Variants in BICC1 observed in about 807,000 individuals in gnomAD.
BICC1 encodes BicC family RNA binding protein 1, also known as protein bicaudal C homolog 1.
Under a neutral mutation model 111.0 loss-of-function variants are expected in BICC1, and 43 were observed. The observed-to-expected ratio is 0.39, with a 90% CI of 0.30 to 0.50. The LOEUF (loss-of-function observed/expected upper bound fraction) is 0.50, where lower values mean the gene tolerates loss of function less well. BICC1 is among the 20% of genes least tolerant of loss of function. The pLI is 0.88. For synonymous variants in BICC1, 467 were observed against 434.4 expected (o/e 1.07, Z -0.93); for missense variants, 1,091 against 1,203.2 (o/e 0.91, Z 1.38).
chr10:58,663,154 C>A (rs1022332795), intron 2 of BICC1, among the ~76,000 whole-genome samples: 1 of 145,914 alleles, frequency 6.9e-6, no homozygotes, highest in South Asian at 2.1e-4. Flanking sequence ...GCAACCTTTG[C>A]TTCCTGGGTT....
At chr10:58,770,967 A>G (rs1842608841) in intron 3 of BICC1, among the ~76,000 whole-genome samples, 1 of 152,244 alleles carries the variant, frequency 6.6e-6, no homozygotes, top group African/African-American at 2.4e-5. Context: ...ACTAACATTT[A>G]TGGAGTATTT....
chr10:58,641,404 A>C (rs959294231), intron 2 of BICC1, among the ~76,000 whole-genome samples: 1 of 151,422 alleles, frequency 6.6e-6, no homozygotes, highest in Non-Finnish European at 1.5e-5. Context: ...TCAGAGGCAG[A>C]TGTTTGTCTT....
At chr10:58,722,275 C>G (rs1434732620) in intron 3 of BICC1, among the ~76,000 whole-genome samples, 1 of 152,204 alleles carries the variant, frequency 6.6e-6, no homozygotes, top group Non-Finnish European at 1.5e-5. Flanking sequence ...ATTACATTCT[C>G]TTAGGAAATG....
chr10:58,539,373 A>G (rs951710803), intron 1 of BICC1, among the ~76,000 whole-genome samples: 4 of 151,544 alleles, frequency 2.6e-5, no homozygotes, highest in African/African-American at 9.7e-5. Context: ...TATAATGTAC[A>G]TTGGAGACTC....
chr10:58,578,448 T>C (rs750374213), intron 1 of BICC1, among the ~76,000 whole-genome samples: 5 of 152,216 alleles, frequency 3.3e-5, no homozygotes, highest in Non-Finnish European at 7.3e-5. Flanking sequence ...GGGGATGTAT[T>C]GTTCCGGCTA....
intron 18 of BICC1, among the ~76,000 whole-genome samples, chr10:58,815,216 C>T (rs899913759): frequency 6.6e-6 from 1 of 152,108 alleles, no homozygotes; most frequent in African/African-American, 2.4e-5. Context: ...TCAGTTGTTA[C>T]GTTACTATCA....
At chr10:58,626,038 A>G (rs1274228441) in intron 2 of BICC1, among the ~76,000 whole-genome samples, 3 of 152,238 alleles carry the variant, frequency 2.0e-5, no homozygotes, top group African/African-American at 4.8e-5. Flanking sequence ...TTTAAATAAG[A>G]TCCAGATATT....
intron 3 of BICC1, among the ~76,000 whole-genome samples, chr10:58,764,907 G>A (rs1300797604): frequency 3.9e-5 from 6 of 152,092 alleles, no homozygotes; most frequent in Non-Finnish European, 7.4e-5. Context: ...AATAATCAAG[G>A]TGATAACTGT....
intron 2 of BICC1, chr10:58,649,988 C>G (rs897854981): frequency 4.6e-5 from 7 of 152,032 alleles, no homozygotes; most frequent in African/African-American, 1.7e-4. Context: ...TATATTGACC[C>G]ACTACTTGAC....
chr10:58,567,932 G>A (rs1843821292), intron 1 of BICC1, among the ~76,000 whole-genome samples: 2 of 152,058 alleles, frequency 1.3e-5, no homozygotes, highest in Non-Finnish European at 2.9e-5. Context: ...TGGTATATTT[G>A]GAGAAGACTG....
chr10:58,591,652 G>A (rs564329457), intron 1 of BICC1, among the ~76,000 whole-genome samples: 1 of 152,328 alleles, frequency 6.6e-6, no homozygotes, highest in East Asian at 1.9e-4. Context: ...TCAGACCACA[G>A]TGGAAAATTA....
intron 2 of BICC1, among the ~76,000 whole-genome samples, chr10:58,639,262 G>C (rs573569769): frequency 2.0e-5 from 3 of 152,208 alleles, no homozygotes; most frequent in African/African-American, 7.2e-5. Flanking sequence ...TGTCCAAGAA[G>C]CAGCTCACAG....
intron 2 of BICC1, among the ~76,000 whole-genome samples, chr10:58,638,432 A>C (rs565250703): frequency 2.0e-5 from 3 of 152,148 alleles, no homozygotes; most frequent in Non-Finnish European, 4.4e-5. Flanking sequence ...GCTGCAGTTA[A>C]AGGAAAAAAG....
chr10:58,715,803 A>T lies in BICC1; in HGVS notation c.307+13660A>T, dbSNP rs1032649274. ...ACACAGGGAGAAATTGTTAACTGCAAGTGAGAGCTCATCCAAAAAAAAGAC... is the reference window on the plus strand; with the variant it reads ...ACACAGGGAGAAATTGTTAACTGCATGTGAGAGCTCATCCAAAAAAAAGAC... On this transcript the variant is annotated intron_variant, in intron 3 of 20. Coordinates refer to ENST00000373886, the MANE Select transcript of BICC1 (RefSeq NM_001080512.3). 6.7e-6 allele frequency: 9 copies of T among 1,350,362 alleles called. No individual in the cohort carries two copies. In the African/African-American group the frequency reaches 1.0e-4, roughly 15 times the overall value. 83.6% of individuals were successfully genotyped at this position (1,350,362 alleles called of 1,614,324 possible).
intron 1 of BICC1, among the ~76,000 whole-genome samples, chr10:58,599,542 CT>C (rs1844954215): frequency 6.6e-6 from 1 of 152,088 alleles, no homozygotes; most frequent in Non-Finnish European, 1.5e-5. Flanking sequence ...GGAGAAATAC[CT>C]AATGTAGGTG....
intron 1 of BICC1, among the ~76,000 whole-genome samples, chr10:58,577,108 G>T (rs1358843512): frequency 6.6e-6 from 1 of 152,180 alleles, no homozygotes; most frequent in Non-Finnish European, 1.5e-5. Context: ...CCAGCTATCT[G>T]CTGGACCTGT....
chr10:58,818,184 G>GT (rs772113918), intron 19 of BICC1, among the ~76,000 whole-genome samples: 2 of 151,966 alleles, frequency 1.3e-5, no homozygotes, highest in East Asian at 1.9e-4. Context: ...CAGAATATAT[G>GT]TTTTTTTCAA....
At chr10:58,760,482 A>G (rs568776803) in intron 3 of BICC1, among the ~76,000 whole-genome samples, 45 of 152,328 alleles carry the variant, frequency 3.0e-4, no homozygotes, top group Admixed American at 1.0e-3. Context: ...TTTAATTGGT[A>G]TTTAATACAG....
At chr10:58,639,464 G>A (rs528018435) in intron 2 of BICC1, among the ~76,000 whole-genome samples, 43 of 147,148 alleles carry the variant, frequency 2.9e-4, no homozygotes, top group Non-Finnish European at 5.6e-4. Context: ...GTGCAATCTC[G>A]GCTCACTGCA....
Sources: allele counts gnomAD v4.1 joint callset (sites outside exome capture counted in the v4.1 genomes callset), GRCh38; gene constraint gnomAD v4.1.1; transcripts MANE v1.5; gene names NCBI Gene and HGNC (gene_info 2026-07-23, HGNC 2026-07-21).